Variants in ADCY10 observed in about 807,000 individuals in gnomAD.
ADCY10 encodes adenylate cyclase 10.
Under a neutral mutation model 183.3 loss-of-function variants are expected in ADCY10, and 156 were observed. That is an observed-to-expected ratio of 0.85 (90% CI 0.75 to 0.97). The LOEUF (loss-of-function observed/expected upper bound fraction) is 0.97. Among genes scored for constraint, ADCY10 ranks in the 50% least tolerant of loss-of-function variants. The pLI, the probability that ADCY10 is intolerant of heterozygous loss-of-function variation, is 0.00. For synonymous variants in ADCY10, 645 were observed against 670.0 expected (o/e 0.96, Z 0.58); for missense variants, 1,745 against 1,934.3 (o/e 0.90, Z 1.84).
intron 8 of ADCY10, among the ~76,000 whole-genome samples, chr1:167,885,333 G>A (rs1236045520): frequency 1.3e-5 from 2 of 152,124 alleles, no homozygotes; most frequent in East Asian, 3.8e-4. Flanking sequence ...TTGTATGGTA[G>A]CTCTATTTTT....
intron 12 of ADCY10, among the ~76,000 whole-genome samples, chr1:167,878,111 A>T (rs203836): frequency 0.059 from 9,005 of 152,246 alleles, 814 homozygotes; most frequent in African/African-American, 0.2. Flanking sequence ...TACAGTTGAC[A>T]TAATTAGTAA....
intron 14 of ADCY10, among the ~76,000 whole-genome samples, chr1:167,868,460 C>T (rs1666855185): frequency 6.6e-6 from 1 of 152,190 alleles, no homozygotes; most frequent in Non-Finnish European, 1.5e-5. Context: ...ACCACAAAAA[C>T]AGTTACATGG....
intron 3 of ADCY10, among the ~76,000 whole-genome samples, chr1:167,902,354 T>C (rs1396689063): frequency 4.6e-5 from 7 of 152,158 alleles, no homozygotes; most frequent in Non-Finnish European, 8.8e-5. Flanking sequence ...CCTCCCACGA[T>C]AATGGAATGC....
Position 167,865,658 on chromosome 1 carries a change from T to A in ADCY10, c.1617-4595A>T, listed in dbSNP as rs147071961. On this transcript the variant is annotated intron_variant, in intron 14 of 32. Transcript: ENST00000367851. ...TAAAAATAGGTCCTAAAGGAAACATTCATTTTACTAGAGGATCATAGAAGT... is the reference window on the plus strand; with the variant it reads ...TAAAAATAGGTCCTAAAGGAAACATACATTTTACTAGAGGATCATAGAAGT... Among the ~76,000 whole-genome samples, 550 of 152,336 alleles carry A rather than the reference T, an allele frequency of 3.6e-3. 2 individuals carry two copies. The highest frequency in any genetic ancestry group is 0.013 in the African/African-American group (523 of 41,576).
intron 11 of ADCY10, among the ~76,000 whole-genome samples, chr1:167,879,189 C>T (rs1240863875): frequency 6.6e-6 from 1 of 152,208 alleles, no homozygotes; most frequent in Non-Finnish European, 1.5e-5. Flanking sequence ...GTGCAAACTA[C>T]TTGGGACAAT....
In ADCY10 at chr1:167,893,695, C is replaced by CA. The variant is rs748872658; in HGVS notation, c.828+157dup. 0.024 allele frequency among the ~76,000 whole-genome samples: 1,663 copies of CA among 69,422 alleles called. 30 individuals carry two copies. The highest frequency in any genetic ancestry group is 0.032 in the Non-Finnish European group (1,173 of 36,176). The allele number at this position is 69,422 out of a possible 152,430, so 45.5% of individuals were successfully genotyped here. A position where few individuals can be genotyped will look rare whatever the true frequency, so the allele number is the denominator to read the frequency against. On this transcript the variant is annotated intron_variant, in intron 8 of 32. Transcript: ENST00000367851. ...TGGGTGACAGAGTGAGACTCTGTCTCAAAAAAAAAAAAAAAAAAAAAAAAG... is the reference window on the plus strand; with the variant it reads ...TGGGTGACAGAGTGAGACTCTGTCTCAAAAAAAAAAAAAAAAAAAAAAAAAG...
At chr1:167,906,808 A>AT (rs749969078) in intron 1 of ADCY10, among the ~76,000 whole-genome samples, 27 of 152,074 alleles carry the variant, frequency 1.8e-4, no homozygotes, top group Non-Finnish European at 1.5e-4. Context: ...AATAATGATA[A>AT]TAAAAAGAAA....
At chr1:167,852,324 A>G (rs985236873) in intron 18 of ADCY10, among the ~76,000 whole-genome samples, 34 of 152,120 alleles carry the variant, frequency 2.2e-4, no homozygotes, top group African/African-American at 8.0e-4. Flanking sequence ...CATGCCTGTA[A>G]TCCTTGCTAC....
chr1:167,899,993 G>C (rs1170862099), intron 5 of ADCY10, among the ~76,000 whole-genome samples: 1 of 152,208 alleles, frequency 6.6e-6, no homozygotes, highest in Non-Finnish European at 1.5e-5. Context: ...AGCAGAGATT[G>C]AAGCTGTAAC....
At chr1:167,836,842 G>A (rs1183605676) in intron 22 of ADCY10, among the ~76,000 whole-genome samples, 1 of 152,136 alleles carries the variant, frequency 6.6e-6, no homozygotes, top group Non-Finnish European at 1.5e-5. Context: ...TGGCTAACAC[G>A]GTGAAATCCC....
intron 14 of ADCY10, among the ~76,000 whole-genome samples, chr1:167,863,471 G>A (rs181794039): frequency 7.2e-5 from 11 of 152,018 alleles, no homozygotes; most frequent in South Asian, 6.2e-4. Flanking sequence ...AGACGAGCTC[G>A]GATTTTGAGA....
intron 8 of ADCY10, among the ~76,000 whole-genome samples, chr1:167,888,875 CAAA>C (rs748603972): frequency 2.1e-5 from 2 of 94,170 alleles, no homozygotes. Context: ...GACTCCGTCT[CAAA>C]AAAAAAAAAA....
At chr1:167,870,869 T>G (rs77123494) in intron 13 of ADCY10, among the ~76,000 whole-genome samples, 1 of 152,012 alleles carries the variant, frequency 6.6e-6, no homozygotes, top group East Asian at 1.9e-4. Flanking sequence ...TCAAGCCTTA[T>G]GCACTTTCAA....
intron 11 of ADCY10, among the ~76,000 whole-genome samples, chr1:167,879,870 C>A (rs1667747173): frequency 6.6e-6 from 1 of 152,178 alleles, no homozygotes; most frequent in African/African-American, 2.4e-5. Flanking sequence ...GCCCCTCATT[C>A]CATCAACATA....
In ADCY10 at chr1:167,863,158, G is replaced by A. The variant is rs143615966; in HGVS notation, c.1617-2095C>T. ...AAAGGAAAGAAAAGTGAAATTAAAG[G>A]CAGATAGCCCGGCGCCTAGGAACCA... On this transcript the variant is annotated intron_variant, in intron 14 of 32. Transcript: ENST00000367851. Among the ~76,000 whole-genome samples, 3 of 152,120 alleles carry A rather than the reference G, an allele frequency of 2.0e-5. No individual in the cohort carries two copies. The East Asian group carries it at 5.8e-4, about 29-fold the overall frequency.
In ADCY10 at chr1:167,878,526, A is replaced by T. The variant is rs148241186; in HGVS notation, c.1326T>A (p.Phe442Leu). ...YNGSNLPAYF[F>L]KELPKKVMKG... is the part of the protein sequence containing the mutation. ...TCATAACTTTCTTTGGAAGCTCTTTAAAAAAGTACGCTGGTAGGTTGCTCC... is the reference window on the plus strand; with the variant it reads ...TCATAACTTTCTTTGGAAGCTCTTTTAAAAAGTACGCTGGTAGGTTGCTCC... The change falls in exon 12 of 33, where the codon TTT (phenylalanine) becomes TTA (leucine). Residue 442 changes from phenylalanine to leucine, a missense_variant. By Grantham distance (22) the Phe-to-Leu change is conservative. Transcript: ENST00000367851. The T allele has an allele frequency of 9.9e-6, 16 of 1,614,028 alleles. No individual in the cohort carries two copies. The highest frequency in any genetic ancestry group is 5.3e-5 in the African/African-American group (4 of 74,918).
rs762188249 is a variant in ADCY10 at position 167,880,609 on chromosome 1, C to G, written c.1021G>C (p.Gly341Arg). The change falls in exon 10 of 33, where the codon GGC becomes CGC. Residue 341 changes from glycine (G) to arginine (R), a missense_variant and splice_region_variant. By Grantham distance (125) the Gly-to-Arg change is moderately radical (BLOSUM62 -2). Transcript: ENST00000367851. Reference protein sequence around the residue: ...QINKVFMFDKGCSFLCVFGFP... With the variant: ...QINKVFMFDKRCSFLCVFGFP... ...CCAAAGACACAGAGGAAAGAGCAGC[C>G]CTGTGAGGGAGAGAGACAGCAACCA... 1 of 1,607,786 alleles carries G rather than the reference C, an allele frequency of 6.2e-7. No homozygotes were observed. Among genetic ancestry groups the G allele is most frequent in the African/African-American group, 1.3e-5 (1 of 74,902 alleles).
rs1289510880 is a variant in ADCY10, at chr1:167,815,151, C to CA, written c.4482+2920dup. Among the ~76,000 whole-genome samples, 17 of 151,178 alleles carry CA rather than the reference C, an allele frequency of 1.1e-4. No individual in the cohort carries two copies. The East Asian group carries it at 2.5e-3, about 22-fold the overall frequency. ...AACAACAACAACAACAAAAATTAGA[C>CA]AAAAAAAAACCCCAAACACCTTCAG... is the stretch of plus-strand genomic sequence containing the variant. On this transcript the variant is annotated intron_variant, in intron 31 of 32. Coordinates refer to ENST00000367851, the MANE Select transcript of ADCY10 (RefSeq NM_018417.6).
intron 8 of ADCY10, among the ~76,000 whole-genome samples, chr1:167,887,631 A>G (rs959902988): frequency 4.6e-5 from 7 of 152,192 alleles, no homozygotes; most frequent in Non-Finnish European, 8.8e-5. Flanking sequence ...CCAACATGGG[A>G]CATGTATACA....
Sources: allele counts gnomAD v4.1 joint callset (sites outside exome capture counted in the v4.1 genomes callset), GRCh38; gene constraint gnomAD v4.1.1; transcripts MANE v1.5; gene names NCBI Gene and HGNC (gene_info 2026-07-23, HGNC 2026-07-21).